XPR1: variants seen among roughly 807,000 people sequenced by gnomAD.
The protein encoded by XPR1 is xenotropic and polytropic retrovirus receptor 1.
A neutral mutation model predicts 87.5 loss-of-function variants in XPR1; 28 were observed. The observed-to-expected ratio is 0.32, with a 90% CI of 0.24 to 0.44. XPR1 has a LOEUF of 0.44. Ranked by LOEUF, XPR1 falls within the 20% of genes least tolerant of loss-of-function variation. The pLI is 1.00. For missense variants in XPR1, 559 were observed against 862.3 expected, an observed-to-expected ratio of 0.65 and a Z score of 4.41; for synonymous variants, 300 against 306.1, an observed-to-expected ratio of 0.98 and a Z score of 0.21.
intron 2 of XPR1, among the ~76,000 whole-genome samples, chr1:180,713,870 T>C (rs1164074823): frequency 6.6e-6 from 1 of 152,112 alleles, no homozygotes; most frequent in Non-Finnish European, 1.5e-5. Context: ...CAGGGTAATG[T>C]TTACCTCATA....
At chr1:180,780,521 A>T (rs1235542234) in intron 2 of XPR1, among the ~76,000 whole-genome samples, 1 of 152,094 alleles carries the variant, frequency 6.6e-6, no homozygotes, top group Non-Finnish European at 1.5e-5. Flanking sequence ...CTTATTGTTG[A>T]GTTAGAGGAG....
At chr1:180,881,918 G>C (rs1382891151) in intron 14 of XPR1, among the ~76,000 whole-genome samples, 2 of 152,170 alleles carry the variant, frequency 1.3e-5, no homozygotes, top group Non-Finnish European at 2.9e-5. Flanking sequence ...AATAGGAAGA[G>C]CATCAAAACA....
chr1:180,778,995 A>G (rs1648836420), intron 2 of XPR1, among the ~76,000 whole-genome samples: 1 of 151,992 alleles, frequency 6.6e-6, no homozygotes, highest in Non-Finnish European at 1.5e-5. Context: ...TCCTATCACC[A>G]CCTGGTGGCA....
intron 2 of XPR1, among the ~76,000 whole-genome samples, chr1:180,730,443 C>T (rs1658515756): frequency 6.6e-6 from 1 of 152,140 alleles, no homozygotes; most frequent in Admixed American, 6.5e-5. Flanking sequence ...GTGTATTCTA[C>T]ACATGAAATA....
intron 11 of XPR1, among the ~76,000 whole-genome samples, chr1:180,856,584 A>G (rs1382381640): frequency 6.6e-6 from 1 of 152,164 alleles, no homozygotes; most frequent in East Asian, 1.9e-4. Context: ...TTTCCTAAGC[A>G]TGCTTCAAGC....
chr1:180,791,661 A>G (rs923749982), intron 3 of XPR1, among the ~76,000 whole-genome samples: 3 of 152,232 alleles, frequency 2.0e-5, no homozygotes, highest in African/African-American at 4.8e-5. Flanking sequence ...ATGCATCTAT[A>G]TGTGTGTGAC....
chr1:180,673,099 A>G (rs1656240674), intron 1 of XPR1, among the ~76,000 whole-genome samples: 1 of 152,174 alleles, frequency 6.6e-6, no homozygotes, highest in South Asian at 2.1e-4. Context: ...ATGAGACATA[A>G]TGGTTAGCTG....
At position 180,732,068 on chromosome 1, in the gene XPR1, C is replaced by T. The variant is rs550314219; in HGVS notation, c.121+49657C>T. On this transcript the variant is annotated intron_variant, in intron 2 of 14. Coordinates refer to ENST00000367590, the MANE Select transcript of XPR1 (RefSeq NM_004736.4). Reference sequence around the variant, plus strand: ...ATTAGCCAGGCGTGGTCACGTGTGCCTCTAATCCCAGCTACTCGGGAGCCT... The same window carrying T: ...ATTAGCCAGGCGTGGTCACGTGTGCTTCTAATCCCAGCTACTCGGGAGCCT... 7.9e-5 allele frequency among the ~76,000 whole-genome samples: 12 copies of T among 152,128 alleles called. No homozygotes were observed. The South Asian group carries it at 1.0e-3, about 13-fold the overall frequency.
chr1:180,786,576 A>G lies in XPR1; in HGVS notation c.122-1177A>G, dbSNP rs560752159. On this transcript the variant is annotated intron_variant, in intron 2 of 14. Coordinates refer to ENST00000367590, the MANE Select transcript of XPR1 (RefSeq NM_004736.4). ...TTAGGCTTGGGGTTCCTGAAGTTAC[A>G]TATATCTCTACATATGGGATTCAGT... is the stretch of plus-strand genomic sequence containing the variant. 3.9e-4 allele frequency among the ~76,000 whole-genome samples: 60 copies of G among 152,314 alleles called. 1 individual carries two copies. Among genetic ancestry groups the G allele is most frequent in the African/African-American group, 1.4e-3 (59 of 41,562 alleles).
rs1297050048 is a variant in XPR1, at chr1:180,745,355, A to G, written c.122-42398A>G. Among the ~76,000 whole-genome samples the G allele has an allele frequency of 2.0e-5, 3 of 152,190 alleles. No individual in the cohort carries two copies. The East Asian group carries it at 5.8e-4, about 29-fold the overall frequency. ...GGGGAAGAGAGAGAGACAGAGAGAGACAGCAAGAGAGAGAGCACGAGTGAG... is the reference window on the plus strand; with the variant it reads ...GGGGAAGAGAGAGAGACAGAGAGAGGCAGCAAGAGAGAGAGCACGAGTGAG... On this transcript the variant is annotated intron_variant, in intron 2 of 14. Coordinates refer to ENST00000367590, the MANE Select transcript of XPR1 (RefSeq NM_004736.4).
intron 2 of XPR1, among the ~76,000 whole-genome samples, chr1:180,748,985 G>C (rs1362219056): frequency 1.3e-5 from 2 of 152,226 alleles, no homozygotes; most frequent in Non-Finnish European, 2.9e-5. Context: ...AATCACTTGA[G>C]CTCAGGAGTT....
At chr1:180,846,139 G>T (rs1442768979) in intron 11 of XPR1, among the ~76,000 whole-genome samples, 1 of 151,854 alleles carries the variant, frequency 6.6e-6, no homozygotes, top group Non-Finnish European at 1.5e-5. Context: ...GCATGCACCT[G>T]TAATTCCAGC....
At chr1:180,816,607 T>C (rs1014251877) in intron 7 of XPR1, among the ~76,000 whole-genome samples, 13 of 152,326 alleles carry the variant, frequency 8.5e-5, no homozygotes, top group African/African-American at 2.6e-4. Context: ...ACTGCAGATA[T>C]GAAGGCAGTC....
chr1:180,687,837 A>G (rs996621465), intron 2 of XPR1, among the ~76,000 whole-genome samples: 2 of 151,628 alleles, frequency 1.3e-5, no homozygotes, highest in African/African-American at 2.4e-5. Context: ...TTATCAATAT[A>G]TATGTAAATA....
intron 2 of XPR1, among the ~76,000 whole-genome samples, chr1:180,696,436 T>G (rs1657178730): frequency 6.6e-6 from 1 of 151,994 alleles, no homozygotes; most frequent in African/African-American, 2.4e-5. Flanking sequence ...ACTTTCTCAT[T>G]TCCAATTTGG....
At chr1:180,711,219 G>T (rs142103080) in intron 2 of XPR1, among the ~76,000 whole-genome samples, 2 of 151,576 alleles carry the variant, frequency 1.3e-5, no homozygotes, top group African/African-American at 4.8e-5. Context: ...GGTGGCGGCC[G>T]GGCAGAGGCT....
chr1:180,751,642 T>G (rs1284912862), intron 2 of XPR1, among the ~76,000 whole-genome samples: 2 of 152,158 alleles, frequency 1.3e-5, no homozygotes, highest in African/African-American at 4.8e-5. Flanking sequence ...AATTCAAACC[T>G]ACTGATAGCA....
chr1:180,669,309 A>T (rs922583740), intron 1 of XPR1, among the ~76,000 whole-genome samples: 1 of 151,908 alleles, frequency 6.6e-6, no homozygotes, highest in Non-Finnish European at 1.5e-5. Context: ...TTTTCTCTTC[A>T]ATTCTGTTAA....
intron 13 of XPR1, among the ~76,000 whole-genome samples, chr1:180,878,854 C>G (rs909668956): frequency 6.6e-6 from 1 of 152,222 alleles, no homozygotes; most frequent in Non-Finnish European, 1.5e-5. Flanking sequence ...TCCTCCTCCC[C>G]CCAAACTTTT....
Sources: gnomAD v4.1 joint callset for allele counts (sites outside exome capture counted in the v4.1 genomes callset) on GRCh38, gnomAD v4.1.1 for gene constraint, MANE v1.5 for transcripts, NCBI Gene and HGNC (gene_info 2026-07-23, HGNC 2026-07-21) for gene names.